BMPR1A: variants seen among roughly 807,000 people sequenced by gnomAD.
BMPR1A encodes bone morphogenetic protein receptor type 1A.
BMPR1A carries 7 observed loss-of-function variants against 66.0 expected under a neutral mutation model. That is an observed-to-expected ratio of 0.11 (90% CI 0.06 to 0.20). The LOEUF (loss-of-function observed/expected upper bound fraction) is 0.20, where lower values mean the gene tolerates loss of function less well. BMPR1A is among the 10% of genes least tolerant of loss of function. The probability of loss-of-function intolerance (pLI) is 1.00; values close to 1 mark genes in which losing one functional copy is unlikely to be tolerated. For synonymous variants in BMPR1A, 200 were observed against 229.7 expected, an observed-to-expected ratio of 0.87 and a Z score of 1.17; for missense variants, 408 against 669.1, an observed-to-expected ratio of 0.61 and a Z score of 4.31.
At chr10:86,917,034 TTGGG>T in intron 8 of BMPR1A, 96 bp from the exon 9 acceptor site, 1 of 1,298,402 alleles carries the variant, frequency 7.7e-7, no homozygotes, top group Non-Finnish European at 1.1e-6. Context: ...CTGGAGTTGG[TTGGG>T]TACACCATGC....
intron 5 of BMPR1A, among the ~76,000 whole-genome samples, chr10:86,895,324 G>A (rs899354662): frequency 2.0e-5 from 3 of 152,122 alleles, no homozygotes; most frequent in Non-Finnish European, 1.5e-5. Context: ...GATCATCTGA[G>A]GTCAGGACTT....
At chr10:86,882,910 G>A (rs773555528) in intron 3 of BMPR1A, among the ~76,000 whole-genome samples, 6 of 151,832 alleles carry the variant, frequency 4.0e-5, no homozygotes, top group Non-Finnish European at 8.8e-5. Flanking sequence ...AGGTTGCCGT[G>A]AGCTGTCATG....
intron 2 of BMPR1A, among the ~76,000 whole-genome samples, chr10:86,870,415 C>T (rs916386144): frequency 1.3e-5 from 2 of 151,924 alleles, no homozygotes; most frequent in East Asian, 3.9e-4. Flanking sequence ...TGCTAAGTAC[C>T]ACTGAGTTTT....
chr10:86,817,036 C>G (rs1842044542), intron 1 of BMPR1A, among the ~76,000 whole-genome samples: 1 of 152,066 alleles, frequency 6.6e-6, no homozygotes, highest in African/African-American at 2.4e-5. Context: ...TCCAGCCATC[C>G]CCATTTCTAC....
chr10:86,877,476 G>T lies in BMPR1A; in HGVS notation c.67+1391G>T, dbSNP rs189386021. Among the ~76,000 whole-genome samples the T allele has an allele frequency of 9.9e-4, 150 of 152,222 alleles. 2 individuals are homozygous for T. In the East Asian group the frequency reaches 0.022, roughly 22 times the overall value. On this transcript the variant is annotated intron_variant, in intron 3 of 12. Transcript: ENST00000372037. ...CCCACTTCGGCCTCCCAAAGTGCTGGCATTACAGGCGTGAGCCACTGTGCC... is the reference window on the plus strand; with the variant it reads ...CCCACTTCGGCCTCCCAAAGTGCTGTCATTACAGGCGTGAGCCACTGTGCC...
At chr10:86,771,007 A>C (rs1024764799) in intron 1 of BMPR1A, among the ~76,000 whole-genome samples, 2 of 152,192 alleles carry the variant, frequency 1.3e-5, no homozygotes, top group African/African-American at 4.8e-5. Flanking sequence ...AGGCTGTCAC[A>C]GTACTATAGA....
rs957314107 is a variant in BMPR1A at position 86,912,511 on chromosome 10, AAG to A, written c.675+130_675+131del. On this transcript the variant is annotated intron_variant, in intron 8 of 12. Coordinates refer to ENST00000372037, the MANE Select transcript of BMPR1A (RefSeq NM_004329.3). The stretch of plus-strand genomic sequence containing the variant: ...ACACATTTTTTTCTCCTTATTTAGA[AAG>A]AGGTATGCAGTATTGCAAGGTGAAA... The A allele has an allele frequency of 1.0e-5, 12 of 1,199,174 alleles. No individual in the cohort carries two copies. The African/African-American group carries it at 1.2e-4, about 12-fold the overall frequency. 74.3% of individuals were successfully genotyped at this position (1,199,174 alleles called of 1,614,324 possible). A position where few individuals can be genotyped will look rare whatever the true frequency, so the allele number is the denominator to read the frequency against.
At chr10:86,897,773 A>G (rs750268619) in intron 5 of BMPR1A, among the ~76,000 whole-genome samples, 1 of 151,924 alleles carries the variant, frequency 6.6e-6, no homozygotes, top group Non-Finnish European at 1.5e-5. Context: ...CACCTGGCTG[A>G]TTTAAAAATT....
chr10:86,776,356 C>G, intron 1 of BMPR1A, among the ~76,000 whole-genome samples: 1 of 152,136 alleles, frequency 6.6e-6, no homozygotes, highest in Admixed American at 6.5e-5. Context: ...GTTGCTAATA[C>G]TACTGTGTAT....
At chr10:86,817,005 G>A (rs957627430) in intron 1 of BMPR1A, among the ~76,000 whole-genome samples, 6 of 152,168 alleles carry the variant, frequency 3.9e-5, no homozygotes, top group African/African-American at 1.2e-4. Context: ...GAAAAAATGA[G>A]TCTTTGCGAT....
chr10:86,886,143 T>C (rs1843064708), intron 3 of BMPR1A, among the ~76,000 whole-genome samples: 1 of 152,150 alleles, frequency 6.6e-6, no homozygotes, highest in East Asian at 1.9e-4. Context: ...TACACGGGAC[T>C]TGTGGGTGGC....
rs117942249 is a variant in BMPR1A, at chr10:86,821,989, A to G, written c.-267-16876A>G. Among the ~76,000 whole-genome samples the G allele has an allele frequency of 5.3e-5, 8 of 152,084 alleles. No individual in the cohort carries two copies. In the East Asian group the frequency reaches 1.5e-3, roughly 29 times the overall value. On this transcript the variant is annotated intron_variant, in intron 1 of 12. Transcript: ENST00000372037. ...CAGCTAATTTTTGTATTTTTTGTAG[A>G]GAGGGGTTTTACCACGTTCCTAGGC...
At chr10:86,845,463 T>C (rs1842470895) in intron 2 of BMPR1A, among the ~76,000 whole-genome samples, 1 of 152,166 alleles carries the variant, frequency 6.6e-6, no homozygotes, top group Non-Finnish European at 1.5e-5. Context: ...TTGAGCAGTC[T>C]CCCTTAGGTT....
rs1014748961 is a variant in BMPR1A, at chr10:86,765,433, G to A, written c.-268+8514G>A. On this transcript the variant is annotated intron_variant, in intron 1 of 12. Coordinates refer to ENST00000372037, the MANE Select transcript of BMPR1A (RefSeq NM_004329.3). ...TGGGAGGTGGAGGTTGCAGTGAGCCGAGATTGCACCATTGCACTCCAGCCT... is the reference window on the plus strand; with the variant it reads ...TGGGAGGTGGAGGTTGCAGTGAGCCAAGATTGCACCATTGCACTCCAGCCT... 7.2e-5 allele frequency among the ~76,000 whole-genome samples: 10 copies of A among 139,086 alleles called. No individual in the cohort carries two copies. In the East Asian group the frequency reaches 1.5e-3, roughly 21 times the overall value. 91.2% of individuals were successfully genotyped at this position (139,086 alleles called of 152,430 possible). A position where few individuals can be genotyped will look rare whatever the true frequency, so the allele number is the denominator to read the frequency against.
At position 86,876,084 on chromosome 10, in the gene BMPR1A, A is replaced by T. The variant is rs786204152; in HGVS notation, c.66A>T (p.Gln22His). 6.2e-7 allele frequency: 1 copy of T among 1,609,270 alleles called. No individual in the cohort carries two copies. Among genetic ancestry groups the T allele is most frequent in the Non-Finnish European group, 8.5e-7 (1 of 1,175,790 alleles). The part of the protein sequence containing the change: ...GAYLFIISRV[Q>H]GQNLDSMLHG... ...ATTTGTTCATCATTTCTCGTGTTCA[A>T]GGTAAATCAGTGTTCATTTTAGTAA... is the stretch of plus-strand genomic sequence containing the variant. Residue 22 changes from glutamine (Q) to histidine (H), a missense_variant and splice_region_variant, in exon 3 of 13, where the codon CAA (glutamine) becomes CAT (histidine). Physicochemically the swap from Gln to His is conservative, Grantham distance 24 (BLOSUM62 0). This residue lies in a region of BMPR1A where 68 missense variants were observed against 83.0 expected (regional missense o/e 0.82). Coordinates refer to ENST00000372037, the MANE Select transcript of BMPR1A (RefSeq NM_004329.3).
rs112883778 is a variant in BMPR1A at position 86,923,492 on chromosome 10, T to C, written c.1459T>C (p.Trp487Arg). ...TTTGCGGCCAATTGTGTCTAATCGGTGGAACAGTGATGAAGTGAGTGGAAC... is the reference window on the plus strand; with the variant it reads ...TTTGCGGCCAATTGTGTCTAATCGGCGGAACAGTGATGAAGTGAGTGGAAC... ...KRLRPIVSNRWNSDECLRAVL... is the reference protein window; with the variant it reads ...KRLRPIVSNRRNSDECLRAVL... The change falls in exon 12 of 13, where the codon TGG becomes CGG. Residue 487 changes from tryptophan (W) to arginine (R), a missense_variant. Around this residue, in one of 5 missense-constraint regions of BMPR1A, gnomAD observed 130 missense variants for 257.3 expected, o/e 0.51. Transcript: ENST00000372037. 2 of 1,614,036 alleles carry C rather than the reference T, an allele frequency of 1.2e-6. No homozygotes were observed. Among genetic ancestry groups the C allele is most frequent in the African/African-American group, 2.7e-5 (2 of 74,904 alleles).
rs569081776 is a variant in BMPR1A at position 86,804,800 on chromosome 10, T to G, written c.-267-34065T>G. On this transcript the variant is annotated intron_variant, in intron 1 of 12. Transcript: ENST00000372037. ...GCTTAATGTTTGTAGGTGTTTTTTT[T>G]TTTTTTTTTTTTTTGCTATTCTAAT... Among the ~76,000 whole-genome samples, 58 of 150,218 alleles carry G rather than the reference T, an allele frequency of 3.9e-4. 1 individual carries two copies. The highest frequency in any genetic ancestry group is 3.4e-3 in the Middle Eastern group (1 of 294).
chr10:86,883,895 A>G (rs1291601306), intron 3 of BMPR1A, among the ~76,000 whole-genome samples: 1 of 145,750 alleles, frequency 6.9e-6, no homozygotes, highest in Admixed American at 6.9e-5. Context: ...TTTCTATTTG[A>G]GACGAGTCTT....
At chr10:86,797,646 C>T (rs911934316) in intron 1 of BMPR1A, among the ~76,000 whole-genome samples, 3 of 152,176 alleles carry the variant, frequency 2.0e-5, no homozygotes, top group Non-Finnish European at 4.4e-5. Context: ...GGATTACAGG[C>T]GTGAGCCACC....
Sources: allele counts gnomAD v4.1 joint callset (sites outside exome capture counted in the v4.1 genomes callset), GRCh38; gene constraint gnomAD v4.1.1; regional missense constraint gnomAD v4.1.1; transcripts MANE v1.5; gene names NCBI Gene and HGNC (gene_info 2026-07-23, HGNC 2026-07-21).